NAV3: variants seen among roughly 807,000 people sequenced by gnomAD.
NAV3 encodes pore membrane and/or filament interacting like protein 1.
A neutral mutation model predicts 244.7 loss-of-function variants in NAV3; 87 were observed. The observed-to-expected ratio is 0.36, with a 90% CI of 0.30 to 0.42. NAV3 has a LOEUF of 0.42. NAV3 is among the 20% of genes least tolerant of loss of function. NAV3 has a pLI of 1.00. For missense variants in NAV3, 2,663 were observed against 2,893.3 expected (o/e 0.92, Z 1.83); for synonymous variants, 1,126 against 1,042.2 (o/e 1.08, Z -1.55).
intron 1 of NAV3, among the ~76,000 whole-genome samples, chr12:77,894,202 A>G (rs1409313325): frequency 2.0e-5 from 3 of 152,160 alleles, no homozygotes; most frequent in African/African-American, 7.2e-5. Context: ...CTAACAAGAT[A>G]GTGTTGTTGT....
At chr12:77,865,699 C>T (rs1879898993) in intron 1 of NAV3, among the ~76,000 whole-genome samples, 1 of 151,758 alleles carries the variant, frequency 6.6e-6, no homozygotes, top group Admixed American at 6.6e-5. Context: ...TATATAACTC[C>T]CTATAATATA....
chr12:78,138,108 T>C (rs1448679624), intron 19 of NAV3, among the ~76,000 whole-genome samples: 1 of 152,134 alleles, frequency 6.6e-6, no homozygotes, highest in Non-Finnish European at 1.5e-5. Flanking sequence ...ATAAAGCATG[T>C]CAGCTAAGGA....
intron 1 of NAV3, among the ~76,000 whole-genome samples, chr12:77,849,903 A>C (rs1877245277): frequency 6.6e-6 from 1 of 152,062 alleles, no homozygotes; most frequent in African/African-American, 2.4e-5. Flanking sequence ...AGAGTGGAGG[A>C]TCTTCTAAGA....
At chr12:77,623,937 A>G (rs1245501278) in intron 2 of NAV3, among the ~76,000 whole-genome samples, 1 of 152,218 alleles carries the variant, frequency 6.6e-6, no homozygotes, top group African/African-American at 2.4e-5. Context: ...GTAATTCTGT[A>G]TCTAAACTCA....
intron 2 of NAV3, among the ~76,000 whole-genome samples, chr12:77,689,976 G>GT (rs1874929678): frequency 6.6e-6 from 1 of 151,586 alleles, no homozygotes; most frequent in African/African-American, 2.4e-5. Flanking sequence ...ATCACAAGGA[G>GT]TTTTTTCCAT....
chr12:77,816,554 A>T (rs1872534570), intron 2 of NAV3, among the ~76,000 whole-genome samples: 1 of 152,176 alleles, frequency 6.6e-6, no homozygotes, highest in Admixed American at 6.5e-5. Flanking sequence ...GCTTCTGAAA[A>T]GTGTTGTTAT....
chr12:77,930,427 G>T, intron 1 of NAV3, among the ~76,000 whole-genome samples: 1 of 138,676 alleles, frequency 7.2e-6, no homozygotes. Flanking sequence ...TTGACTTTAT[G>T]GCTACATTTA....
intron 2 of NAV3, among the ~76,000 whole-genome samples, chr12:77,751,813 T>C (rs865993617): frequency 1.3e-5 from 2 of 152,232 alleles, no homozygotes; most frequent in African/African-American, 2.4e-5. Context: ...CATTGTTCAA[T>C]TGAAGTTTTT....
chr12:77,621,310 G>A lies in NAV3; in HGVS notation c.72+49044G>A, dbSNP rs143228979. Among the ~76,000 whole-genome samples, 147 of 152,224 alleles carry A rather than the reference G, an allele frequency of 9.7e-4. 1 individual carries two copies. In the Middle Eastern group the frequency reaches 0.01, roughly 11 times the overall value. On this transcript the variant is annotated intron_variant, in intron 2 of 8. Coordinates refer to the NAV3 transcript ENST00000550042. The stretch of plus-strand genomic sequence containing the variant: ...ATTACAGACTCTAACATATGTAGAA[G>A]CAATGCCCTCCTACCCATCAAAGTT...
chr12:77,808,906 A>G (rs975652484), intron 2 of NAV3, among the ~76,000 whole-genome samples: 2 of 152,316 alleles, frequency 1.3e-5, no homozygotes, highest in African/African-American at 4.8e-5. Flanking sequence ...CAGTCTGGCT[A>G]CAGTGGCCTT....
At chr12:77,998,303 C>A in intron 6 of NAV3, 34 bp from the exon 7 acceptor site, 2 of 1,512,802 alleles carry the variant, frequency 1.3e-6, no homozygotes, top group Non-Finnish European at 1.8e-6. Flanking sequence ...TTGTAATGTA[C>A]AATAATGATG....
In NAV3 at chr12:78,210,402, A is replaced by G. The variant is rs1247520488; in HGVS notation, c.7043A>G (p.Asn2348Ser). The G allele has an allele frequency of 6.2e-7, 1 of 1,613,546 alleles. No homozygotes were observed. Among genetic ancestry groups the G allele is most frequent in the Non-Finnish European group, 8.5e-7 (1 of 1,179,814 alleles). The change falls in exon 40 of 40, where the codon AAT (asparagine) becomes AGT (serine). Residue 2348 changes from asparagine to serine, a missense_variant. Asn to Ser is a conservative substitution (Grantham distance 46). Around this residue, in one of 6 missense-constraint regions of NAV3, gnomAD observed 543 missense variants for 672.4 expected, o/e 0.81. Coordinates refer to ENST00000397909, the MANE Select transcript of NAV3 (RefSeq NM_001024383.2). ...QTDTEGDPLM[N>S]MLMKLQEAAN... ...ATGTCTTTTTTCTTTCTTCAGATGA[A>G]TATGCTAATGAAACTCCAAGAAGCA...
chr12:77,690,051 A>C (rs1211928392), intron 2 of NAV3, among the ~76,000 whole-genome samples: 1 of 151,756 alleles, frequency 6.6e-6, no homozygotes, highest in East Asian at 1.9e-4. Context: ...CTCATAGGTA[A>C]GTGGTTCTGT....
At chr12:77,743,203 A>G (rs142176301) in intron 2 of NAV3, among the ~76,000 whole-genome samples, 2 of 152,088 alleles carry the variant, frequency 1.3e-5, no homozygotes, top group African/African-American at 4.8e-5. Flanking sequence ...TCTCTAGCTT[A>G]CCTTAGCATA....
intron 2 of NAV3, among the ~76,000 whole-genome samples, chr12:77,630,881 A>G (rs921792443): frequency 6.6e-6 from 1 of 152,222 alleles, no homozygotes; most frequent in Non-Finnish European, 1.5e-5. Context: ...CAGATTGTAC[A>G]TTAAAAACTA....
At chr12:78,025,585 G>A (rs1284347281) in intron 9 of NAV3, among the ~76,000 whole-genome samples, 1 of 102,574 alleles carries the variant, frequency 9.7e-6, no homozygotes, top group African/African-American at 4.0e-5. Flanking sequence ...GACAGAGCTA[G>A]ACTCCATCTC....
At chr12:77,822,054 G>A (rs775843688) in intron 2 of NAV3, among the ~76,000 whole-genome samples, 1 of 152,030 alleles carries the variant, frequency 6.6e-6, no homozygotes, top group Non-Finnish European at 1.5e-5. Flanking sequence ...TATCCTGGAA[G>A]CAAGGGTATT....
chr12:77,617,659 G>A (rs774317472), intron 2 of NAV3, among the ~76,000 whole-genome samples: 15 of 152,140 alleles, frequency 9.9e-5, no homozygotes, highest in Admixed American at 2.0e-4. Context: ...GGAATTCTGC[G>A]TTGGGGCTTT....
chr12:77,657,971 A>C (rs1454381901), intron 2 of NAV3, among the ~76,000 whole-genome samples: 1 of 151,896 alleles, frequency 6.6e-6, no homozygotes, highest in Non-Finnish European at 1.5e-5. Context: ...AATAATAAGA[A>C]CTATCTATGA....
Sources: allele counts gnomAD v4.1 joint callset (sites outside exome capture counted in the v4.1 genomes callset), GRCh38; gene constraint gnomAD v4.1.1; regional missense constraint gnomAD v4.1.1; transcripts MANE v1.5; gene names NCBI Gene and HGNC (gene_info 2026-07-23, HGNC 2026-07-21).